The following MCTP1 variants were observed in gnomAD, a reference collection of about 807,000 sequenced individuals.
MCTP1 encodes multiple C2 and transmembrane domain-containing protein 1.
A neutral mutation model predicts 120.6 loss-of-function variants in MCTP1; 69 were observed. The ratio of observed to expected loss-of-function variants is 0.57; its 90% CI spans 0.47 to 0.70. The LOEUF is 0.70. MCTP1 is among the 30% of genes least tolerant of loss of function. The pLI, the probability that MCTP1 is intolerant of heterozygous loss-of-function variation, is 0.00. For synonymous variants in MCTP1, 529 were observed against 493.1 expected (o/e 1.07, Z -0.96); for missense variants, 1,203 against 1,248.8 (o/e 0.96, Z 0.55).
intron 19 of MCTP1, among the ~76,000 whole-genome samples, chr5:94,724,607 T>C (rs535691949): frequency 2.0e-5 from 3 of 152,102 alleles, no homozygotes; most frequent in Non-Finnish European, 2.9e-5. Flanking sequence ...TGGGTTTGCA[T>C]CCATCGATTT....
intron 1 of MCTP1, among the ~76,000 whole-genome samples, chr5:95,025,423 A>G (rs1204971208): frequency 6.6e-6 from 1 of 152,224 alleles, no homozygotes; most frequent in Admixed American, 6.5e-5. Flanking sequence ...ACAGTTTGAA[A>G]ATTAAGAAGT....
intron 1 of MCTP1, among the ~76,000 whole-genome samples, chr5:95,085,793 CTTTTTGT>C (rs1366997385): frequency 1.3e-5 from 2 of 151,982 alleles, no homozygotes; most frequent in Non-Finnish European, 2.9e-5. Flanking sequence ...GAGTCTTGAT[CTTTTTGT>C]TTTTTGTTTT....
intron 1 of MCTP1, among the ~76,000 whole-genome samples, chr5:95,026,332 C>T (rs932094574): frequency 2.6e-5 from 4 of 151,992 alleles, no homozygotes; most frequent in African/African-American, 9.7e-5. Flanking sequence ...TTAAAATGTA[C>T]AATTAAATTA....
At chr5:94,964,416 C>T (rs1171216053) in intron 2 of MCTP1, among the ~76,000 whole-genome samples, 1 of 152,068 alleles carries the variant, frequency 6.6e-6, no homozygotes, top group Non-Finnish European at 1.5e-5. Flanking sequence ...GATTTTCTGT[C>T]TAGATGATCT....
At chr5:94,939,986 T>G (rs1309901881) in intron 5 of MCTP1, 98 bp downstream of exon 5, 1 of 611,558 alleles carries the variant, frequency 1.6e-6, no homozygotes, top group African/African-American at 1.8e-5. Flanking sequence ...GGGCATATTT[T>G]CATAGGCAGC....
chr5:95,102,080 A>T (rs1201358587), intron 1 of MCTP1, among the ~76,000 whole-genome samples: 1 of 152,122 alleles, frequency 6.6e-6, no homozygotes, highest in African/African-American at 2.4e-5. Flanking sequence ...TCATGTTAAG[A>T]GGTGGAATTT....
chr5:95,137,026 A>C (rs1047578023), intron 1 of MCTP1, among the ~76,000 whole-genome samples: 1 of 152,246 alleles, frequency 6.6e-6, no homozygotes. Context: ...CAATGAAAAG[A>C]ATTACTAAGG....
At chr5:95,183,109 T>C (rs1236780269) in intron 1 of MCTP1, among the ~76,000 whole-genome samples, 1 of 151,554 alleles carries the variant, frequency 6.6e-6, no homozygotes, top group Admixed American at 6.6e-5. Flanking sequence ...AATATATCAG[T>C]GGAACAGAAT....
At chr5:94,721,696 C>CT (rs1310654142) in intron 19 of MCTP1, among the ~76,000 whole-genome samples, 1 of 152,002 alleles carries the variant, frequency 6.6e-6, no homozygotes, top group East Asian at 1.9e-4. Context: ...ATATTTCATA[C>CT]TTTTTTCAAT....
chr5:94,838,778 A>G (rs2153191048), intron 17 of MCTP1, among the ~76,000 whole-genome samples: 1 of 152,328 alleles, frequency 6.6e-6, no homozygotes, highest in South Asian at 2.1e-4. Flanking sequence ...TAACATTCAG[A>G]GAGCTTTAGA....
intron 10 of MCTP1, among the ~76,000 whole-genome samples, chr5:94,896,552 A>G (rs1477844040): frequency 6.6e-6 from 1 of 152,118 alleles, no homozygotes; most frequent in Non-Finnish European, 1.5e-5. Flanking sequence ...TGTACTGATC[A>G]TATAGATGCT....
chr5:94,733,256 G>A (rs1763471166), intron 19 of MCTP1, among the ~76,000 whole-genome samples: 1 of 152,214 alleles, frequency 6.6e-6, no homozygotes, highest in African/African-American at 2.4e-5. Flanking sequence ...GGAATTATAT[G>A]AGGGATGAGG....
chr5:94,889,152 T>G (rs547928038), intron 11 of MCTP1, among the ~76,000 whole-genome samples, 180 bp from the exon 12 acceptor site: 1 of 152,204 alleles, frequency 6.6e-6, no homozygotes, highest in Non-Finnish European at 1.5e-5. Flanking sequence ...AAATTGCATG[T>G]GCTAGCTGAG....
intron 1 of MCTP1, among the ~76,000 whole-genome samples, chr5:95,057,531 C>A (rs115848057): frequency 1.2e-4 from 18 of 152,210 alleles, no homozygotes; most frequent in Admixed American, 3.3e-4. Flanking sequence ...AGGCATTCAG[C>A]CGAAATTCAT....
intron 1 of MCTP1, among the ~76,000 whole-genome samples, chr5:95,143,758 T>C (rs1760134867): frequency 6.6e-6 from 1 of 152,146 alleles, no homozygotes; most frequent in Non-Finnish European, 1.5e-5. Context: ...TGGCTGCATA[T>C]TATTCCATGG....
intron 1 of MCTP1, among the ~76,000 whole-genome samples, chr5:95,179,582 T>C (rs538306924): frequency 6.6e-6 from 1 of 152,284 alleles, no homozygotes; most frequent in South Asian, 2.1e-4. Flanking sequence ...AAACTAGGCT[T>C]CATAAATGAA....
chr5:95,255,386 T>G (rs1582670625), intron 1 of MCTP1, among the ~76,000 whole-genome samples: 2 of 152,346 alleles, frequency 1.3e-5, no homozygotes, highest in South Asian at 4.1e-4. Context: ...ATTTGGATAC[T>G]TTAAAGAAGA....
intron 1 of MCTP1, among the ~76,000 whole-genome samples, chr5:95,167,025 T>G (rs1273240175): frequency 3.3e-5 from 5 of 151,884 alleles, no homozygotes; most frequent in Non-Finnish European, 5.9e-5. Flanking sequence ...CATTAACTCG[T>G]CATTTACATT....
intron 17 of MCTP1, among the ~76,000 whole-genome samples, chr5:94,827,783 C>T (rs752485022): frequency 1.3e-5 from 2 of 151,486 alleles, no homozygotes; most frequent in East Asian, 2.0e-4. Context: ...GTATGCCTCA[C>T]GAAGTTCTTG....
Sources: gnomAD v4.1 joint callset for allele counts (sites outside exome capture counted in the v4.1 genomes callset) on GRCh38, gnomAD v4.1.1 for gene constraint, MANE v1.5 for transcripts, NCBI Gene and HGNC (gene_info 2026-07-23, HGNC 2026-07-21) for gene names.